LYN: variants seen among roughly 807,000 people sequenced by gnomAD.
LYN encodes tyrosine-protein kinase Lyn.
A neutral mutation model predicts 65.0 loss-of-function variants in LYN; 12 were observed. The ratio of observed to expected loss-of-function variants is 0.18; its 90% CI spans 0.12 to 0.30. The LOEUF is 0.30. Among genes scored for constraint, LYN ranks in the 10% least tolerant of loss-of-function variants. The pLI is 1.00. For synonymous variants in LYN, 222 were observed against 221.2 expected, an observed-to-expected ratio of 1.00 and a Z score of -0.03; for missense variants, 380 against 623.2, an observed-to-expected ratio of 0.61 and a Z score of 4.16.
intron 8 of LYN, among the ~76,000 whole-genome samples, chr8:55,956,275 G>A (rs922821788): frequency 1.3e-5 from 2 of 151,862 alleles, no homozygotes; most frequent in Admixed American, 6.6e-5. Flanking sequence ...TTTTATATAC[G>A]TACACATACA....
At chr8:55,911,535 C>T (rs1024441652) in intron 1 of LYN, among the ~76,000 whole-genome samples, 6 of 151,784 alleles carry the variant, frequency 4.0e-5, no homozygotes, top group African/African-American at 1.5e-4. Flanking sequence ...TGACCCTGAA[C>T]TCGTAGGGGC....
In LYN at chr8:55,942,333, A is replaced by ATATATATATGTGTATATATATGTG. The variant is rs751243342; in HGVS notation, c.132+376_132+399dup. 6.6e-4 allele frequency among the ~76,000 whole-genome samples: 85 copies of ATATATATATGTGTATATATATGTG among 128,064 alleles called. 2 individuals are homozygous for ATATATATATGTGTATATATATGTG. The East Asian group carries it at 0.014, about 21-fold the overall frequency. The allele number at this position is 128,064 out of a possible 152,430, so 84.0% of individuals were successfully genotyped here. A position where few individuals can be genotyped will look rare whatever the true frequency, so the allele number is the denominator to read the frequency against. On this transcript the variant is annotated intron_variant, in intron 2 of 12. Coordinates refer to ENST00000519728, the MANE Select transcript of LYN (RefSeq NM_002350.4). ...TGTGTATATATGTATATATATGTGT[A>ATATATATATGTGTATATATATGTG]TATATATATGTGTATATATATGTGT...
At chr8:55,956,082 C>G (rs7002888) in intron 8 of LYN, among the ~76,000 whole-genome samples, 62,360 of 151,782 alleles carry the variant, frequency 0.41, 13,118 homozygotes, top group Middle Eastern at 0.58. Flanking sequence ...TGAACTTTTT[C>G]AAGAACCACA....
intron 1 of LYN, among the ~76,000 whole-genome samples, chr8:55,929,924 G>A (rs1329910547): frequency 6.6e-6 from 1 of 152,192 alleles, no homozygotes; most frequent in Non-Finnish European, 1.5e-5. Context: ...GGCCTGTTAG[G>A]AACTGGGCCA....
intron 8 of LYN, among the ~76,000 whole-genome samples, chr8:55,964,081 C>G (rs905360788): frequency 1.3e-5 from 2 of 152,038 alleles, no homozygotes; most frequent in African/African-American, 4.8e-5. Context: ...GATGTCAGAA[C>G]AATTTAATAT....
Position 55,953,930 on chromosome 8 carries a change from T to C in LYN, c.736T>C (p.Ser246Pro). The C allele has an allele frequency of 6.2e-7, 1 of 1,613,886 alleles. No individual in the cohort carries two copies. The highest frequency in any genetic ancestry group is 8.5e-7 in the Non-Finnish European group (1 of 1,179,972). ...AGATGCCTGGGAGATCCCCCGGGAG[T>C]CCATCAAGTTGGTGAAAAGGCTTGG... ...DKDAWEIPRE[S>P]IKLVKRLGAG... is the part of the protein sequence containing the mutation. The change falls in exon 8 of 13, where the codon TCC (serine) becomes CCC (proline). Residue 246 changes from serine to proline, a missense_variant. This residue lies in a region of LYN where 223 missense variants were observed against 430.0 expected (regional missense o/e 0.52). Coordinates refer to ENST00000519728, the MANE Select transcript of LYN (RefSeq NM_002350.4).
intron 1 of LYN, among the ~76,000 whole-genome samples, chr8:55,933,412 C>G (rs1389702333): frequency 2.0e-5 from 3 of 152,192 alleles, no homozygotes; most frequent in Non-Finnish European, 4.4e-5. Flanking sequence ...AACAGTCCCA[C>G]AATAAGTATT....
chr8:55,974,633 G>A (rs1424345426), intron 10 of LYN, among the ~76,000 whole-genome samples: 1 of 152,074 alleles, frequency 6.6e-6, no homozygotes, highest in African/African-American at 2.4e-5. Context: ...GTCTAGAGGG[G>A]GAAGTTCTTG....
At chr8:55,929,119 T>A (rs1806191794) in intron 1 of LYN, among the ~76,000 whole-genome samples, 2 of 152,254 alleles carry the variant, frequency 1.3e-5, no homozygotes, top group Admixed American at 6.5e-5. Flanking sequence ...TGGTTCTATT[T>A]CTGGGCTGTT....
chr8:55,934,056 T>C (rs1806347925), intron 1 of LYN, among the ~76,000 whole-genome samples: 1 of 152,136 alleles, frequency 6.6e-6, no homozygotes, highest in South Asian at 2.1e-4. Context: ...TGAAACCCCA[T>C]CTTTACTAAA....
rs2130530234 is a variant in LYN, at chr8:55,969,781, C to T, written c.1038C>T (p.Asp346=). The T allele has an allele frequency of 3.7e-6, 6 of 1,614,164 alleles. No individual in the cohort carries two copies. The highest frequency in any genetic ancestry group is 4.2e-6 in the Non-Finnish European group (5 of 1,179,970). Residue 346 remains aspartate (D), a synonymous_variant, in exon 10 of 13, where the codon GAC becomes GAT. Coordinates refer to ENST00000519728, the MANE Select transcript of LYN (RefSeq NM_002350.4). ...GGKVLLPKLI[D]FSAQIAEGMA... ...AAGTGCTGCTTCCAAAGCTCATTGACTTTTCTGCTCAGGTAACATATTCAA... is the reference window on the plus strand; with the variant it reads ...AAGTGCTGCTTCCAAAGCTCATTGATTTTTCTGCTCAGGTAACATATTCAA...
intron 12 of LYN, among the ~76,000 whole-genome samples, chr8:56,003,160 C>T (rs948014152): frequency 7.9e-5 from 12 of 151,182 alleles, no homozygotes; most frequent in Non-Finnish European, 1.5e-4. Flanking sequence ...CCCGGGTTCA[C>T]GCCGTTCTCT....
chr8:55,910,586 C>T (rs1231614106), intron 1 of LYN, among the ~76,000 whole-genome samples: 1 of 152,138 alleles, frequency 6.6e-6, no homozygotes, highest in East Asian at 1.9e-4. Context: ...AATATGATGC[C>T]TCTAGCTTTG....
rs748124598 is a variant in LYN at position 55,953,837 on chromosome 8, G to A, written c.643G>A (p.Ala215Thr). The stretch of plus-strand genomic sequence containing the variant: ...ATTTTTCCCTTTCAAATTAGAGCAG[G>A]CAGATGGCTTGTGCAGAAGATTGGA... ...SDMIKHYQKQ[A>T]DGLCRRLEKA... Residue 215 changes from alanine to threonine, a missense_variant, in exon 8 of 13, where the codon GCA (alanine) becomes ACA (threonine). Around this residue, in one of 2 missense-constraint regions of LYN, gnomAD observed 223 missense variants for 430.0 expected, o/e 0.52. Transcript: ENST00000519728. 6.2e-7 allele frequency: 1 copy of A among 1,613,668 alleles called. No homozygotes were observed. Among genetic ancestry groups the A allele is most frequent in the Non-Finnish European group, 8.5e-7 (1 of 1,179,826 alleles).
intron 11 of LYN, among the ~76,000 whole-genome samples, chr8:55,998,709 G>A (rs1309207489): frequency 1.3e-5 from 2 of 152,124 alleles, no homozygotes; most frequent in African/African-American, 4.8e-5. Flanking sequence ...CTTTTGTTAG[G>A]CTTACAAATG....
intron 8 of LYN, among the ~76,000 whole-genome samples, chr8:55,958,758 C>T (rs1807194112): frequency 2.6e-5 from 4 of 152,172 alleles, no homozygotes; most frequent in Admixed American, 1.3e-4. Flanking sequence ...ATGATGTCTC[C>T]AAGGTTTATC....
chr8:55,956,891 A>G (rs929808214), intron 8 of LYN, among the ~76,000 whole-genome samples: 1 of 152,208 alleles, frequency 6.6e-6, no homozygotes, highest in Non-Finnish European at 1.5e-5. Flanking sequence ...AGAAGACAGG[A>G]GGAAGGGAGA....
In LYN at chr8:55,923,858, A is replaced by C. The variant is rs116437271; in HGVS notation, c.-5-17997A>C. Among the ~76,000 whole-genome samples, 658 of 152,074 alleles carry C rather than the reference A, an allele frequency of 4.3e-3. 11 individuals are homozygous for C. Among genetic ancestry groups the C allele is most frequent in the African/African-American group, 0.015 (638 of 41,482 alleles). On this transcript the variant is annotated intron_variant, in intron 1 of 12. Coordinates refer to ENST00000519728, the MANE Select transcript of LYN (RefSeq NM_002350.4). ...CCGGCCAAGATCAAACAACTTAATAAATGTTTGTTATAATGACTTAGTGCC... is the reference window on the plus strand; with the variant it reads ...CCGGCCAAGATCAAACAACTTAATACATGTTTGTTATAATGACTTAGTGCC...
At chr8:55,948,558 C>T (rs140771921) in intron 4 of LYN, among the ~76,000 whole-genome samples, 1 of 152,330 alleles carries the variant, frequency 6.6e-6, no homozygotes, top group Non-Finnish European at 1.5e-5. Flanking sequence ...CATAGGCATG[C>T]AGGACAGTGC....
Sources: allele counts gnomAD v4.1 joint callset (sites outside exome capture counted in the v4.1 genomes callset), GRCh38; gene constraint gnomAD v4.1.1; regional missense constraint gnomAD v4.1.1; transcripts MANE v1.5; gene names NCBI Gene and HGNC (gene_info 2026-07-23, HGNC 2026-07-21).